The following BIK variants were observed in gnomAD, a reference collection of about 807,000 sequenced individuals.
The protein encoded by BIK is bcl-2-interacting killer.
Under a neutral mutation model 12.1 loss-of-function variants are expected in BIK, and 14 were observed. The ratio of observed to expected loss-of-function variants is 1.16; its 90% CI spans 0.77 to 1.81. BIK has a LOEUF of 1.81. Ranked by LOEUF, BIK falls within the 40% of genes most tolerant of loss-of-function variation. BIK has a pLI of 0.00. For missense variants in BIK, 215 were observed against 207.9 expected (o/e 1.03, Z -0.21); for synonymous variants, 86 against 92.3 (o/e 0.93, Z 0.39).
intron 1 of BIK, among the ~76,000 whole-genome samples, chr22:43,119,968 G>A (rs921238071): frequency 1.3e-5 from 2 of 152,080 alleles, no homozygotes; most frequent in Non-Finnish European, 2.9e-5. Context: ...GACCCTGTCT[G>A]TGAAAAAAAT....
chr22:43,127,743 G>GT lies in BIK; in HGVS notation c.209dup (p.Ser71GlufsTer28), dbSNP rs1293690970. 1.3e-6 allele frequency: 2 copies of GT among 1,554,434 alleles called. No homozygotes were observed. The highest frequency in any genetic ancestry group is 4.8e-5 in the East Asian group (2 of 41,300). On this transcript the variant is annotated frameshift_variant, in exon 3 of 5. Transcript: ENST00000216115. LOFTEE classifies it high-confidence loss of function. The stretch of plus-strand genomic sequence containing the variant: ...GGCCTGCATCGGGGACGAGATGGAC[G>GT]TGAGCCTCAGGGCCCCGCGCCTGGC...
chr22:43,121,583 C>T (rs145538975), intron 1 of BIK, among the ~76,000 whole-genome samples: 450 of 151,988 alleles, frequency 3.0e-3, no homozygotes, highest in African/African-American at 0.011. Flanking sequence ...TCTGGCTTTG[C>T]GGGGCGTGGA....
At chr22:43,127,530 C>T (rs1569467807) in intron 2 of BIK, among the ~76,000 whole-genome samples, 167 bp from the exon 3 acceptor site, 3 of 152,176 alleles carry the variant, frequency 2.0e-5, no homozygotes, top group South Asian at 2.1e-4. Flanking sequence ...AAGTGGGAGC[C>T]GGAGGAGGGA....
Position 43,128,654 on chromosome 22 carries a change from C to T in BIK, c.390+29C>T, listed in dbSNP as rs761339283. ...AGAGCCTTGAGATCCCTGACCCTGA[C>T]TTGCGCTGCGGCCAGTGGGGGCTGT... On this transcript the variant is annotated intron_variant, in intron 4 of 4. Transcript: ENST00000216115. 10 of 1,583,976 alleles carry T rather than the reference C, an allele frequency of 6.3e-6. No individual in the cohort carries two copies. The Admixed American group carries it at 1.8e-4, about 28-fold the overall frequency.
rs963100108 is a variant in BIK, at chr22:43,126,699, AT to A, written c.162-988del. ...TCCACAGGATTCTTTTCTGCTCAGG[AT>A]TTTTTTTTTCAGCCTCAGGATTTTT... On this transcript the variant is annotated intron_variant, in intron 2 of 4. Coordinates refer to ENST00000216115, the MANE Select transcript of BIK (RefSeq NM_001197.5). Among the ~76,000 whole-genome samples the A allele has an allele frequency of 1.2e-3, 183 of 149,752 alleles. 1 individual carries two copies. The highest frequency in any genetic ancestry group is 1.9e-3 in the Admixed American group (28 of 15,040).
intron 1 of BIK, among the ~76,000 whole-genome samples, chr22:43,113,509 G>A (rs1410996111): frequency 6.6e-6 from 1 of 151,730 alleles, no homozygotes; most frequent in Non-Finnish European, 1.5e-5. Flanking sequence ...CAGAGATGGT[G>A]CCACTGCACT....
Position 43,129,315 on chromosome 22 carries a change from G to A in BIK, c.*10G>A, listed in dbSNP as rs4988441. 2.9e-4 allele frequency: 467 copies of A among 1,596,780 alleles called. 4 individuals are homozygous for A. In the East Asian group the frequency reaches 7.5e-3, roughly 25 times the overall value. The stretch of plus-strand genomic sequence containing the variant: ...CCTGCTGCTCAAGTGAGGCCCCGGC[G>A]GCTCAGGGCGGGGCTGGCCCCACCC... On this transcript the variant is annotated 3_prime_UTR_variant, in exon 5 of 5. Coordinates refer to ENST00000216115, the MANE Select transcript of BIK (RefSeq NM_001197.5).
chr22:43,118,841 C>G (rs766956415), intron 1 of BIK, among the ~76,000 whole-genome samples: 10 of 152,094 alleles, frequency 6.6e-5, no homozygotes, highest in Non-Finnish European at 1.0e-4. Flanking sequence ...TCCACCTCTG[C>G]CCCCAACCCC....
chr22:43,123,368 G>A (rs1053666052), intron 1 of BIK, among the ~76,000 whole-genome samples: 1 of 152,128 alleles, frequency 6.6e-6, no homozygotes, highest in Non-Finnish European at 1.5e-5. Context: ...GACAGCAGGT[G>A]CCTGGGTTTT....
chr22:43,126,610 C>A, intron 2 of BIK, among the ~76,000 whole-genome samples: 1 of 152,144 alleles, frequency 6.6e-6, no homozygotes, highest in East Asian at 1.9e-4. Flanking sequence ...TGGGCTGTTG[C>A]TTTCTGCTGG....
rs768907455 is a variant in BIK at position 43,128,476 on chromosome 22, C to A, written c.261-20C>A. ...GCTCCTGCAGTAATGGCTTTGTCCC[C>A]CCATCCTCTTTGTCTATAGCCTGGG... On this transcript the variant is annotated intron_variant, in intron 3 of 4. Coordinates refer to ENST00000216115, the MANE Select transcript of BIK (RefSeq NM_001197.5). 33 of 1,564,914 alleles carry A rather than the reference C, an allele frequency of 2.1e-5. No homozygotes were observed. Among genetic ancestry groups the A allele is most frequent in the Non-Finnish European group, 2.8e-5 (32 of 1,147,390 alleles).
rs534140526 is a variant in BIK, at chr22:43,126,776, T to G, written c.162-921T>G. Among the ~76,000 whole-genome samples the G allele has an allele frequency of 8.7e-4, 133 of 152,130 alleles. 1 individual carries two copies. Among genetic ancestry groups the G allele is most frequent in the South Asian group, 8.7e-3 (42 of 4,824 alleles). The stretch of plus-strand genomic sequence containing the variant: ...GGCACCTGTCCATTAATGGACAAGG[T>G]TGGAGGACATGAAGCCTGGGGCAGT... On this transcript the variant is annotated intron_variant, in intron 2 of 4. Coordinates refer to ENST00000216115, the MANE Select transcript of BIK (RefSeq NM_001197.5).
intron 1 of BIK, among the ~76,000 whole-genome samples, chr22:43,122,725 G>C (rs532664651): frequency 6.6e-6 from 1 of 152,328 alleles, no homozygotes; most frequent in East Asian, 1.9e-4. Context: ...AGTGAATGGT[G>C]ATGAGGACAC....
chr22:43,114,706 G>A (rs1302079659), intron 1 of BIK, among the ~76,000 whole-genome samples: 1 of 152,240 alleles, frequency 6.6e-6, no homozygotes, highest in African/African-American at 2.4e-5. Flanking sequence ...GAAATTCCCT[G>A]TGCAGACAAT....
At chr22:43,111,524 G>A (rs967691973) in intron 1 of BIK, among the ~76,000 whole-genome samples, 1 of 151,616 alleles carries the variant, frequency 6.6e-6, no homozygotes, top group Non-Finnish European at 1.5e-5. Flanking sequence ...GGGGCCCCCC[G>A]CCTGCGGGGC....
At chr22:43,127,915 A>ACT (rs4988434) in intron 3 of BIK, 120 bp downstream of exon 3, 828,960 of 954,050 alleles carry the variant, frequency 0.87, 361,720 homozygotes, top group East Asian at 0.95. Flanking sequence ...GTGCCTTGAC[A>ACT]CTGGGGCTAT....
At chr22:43,122,616 G>A (rs1419473283) in intron 1 of BIK, among the ~76,000 whole-genome samples, 4 of 152,290 alleles carry the variant, frequency 2.6e-5, no homozygotes, top group Admixed American at 6.5e-5. Flanking sequence ...GAATCAGGTC[G>A]CAGAACCCTT....
intron 1 of BIK, among the ~76,000 whole-genome samples, chr22:43,120,503 C>T (rs1601730427): frequency 6.6e-6 from 1 of 152,198 alleles, no homozygotes; most frequent in Non-Finnish European, 1.5e-5. Context: ...TCTAGGGAGC[C>T]GAACAGAGCA....
intron 1 of BIK, among the ~76,000 whole-genome samples, chr22:43,120,690 G>T (rs1930203059): frequency 6.6e-6 from 1 of 152,176 alleles, no homozygotes; most frequent in Non-Finnish European, 1.5e-5. Flanking sequence ...GCTGCTGCAA[G>T]GACCCTCCTG....
Sources: allele counts gnomAD v4.1 joint callset (sites outside exome capture counted in the v4.1 genomes callset), GRCh38; gene constraint gnomAD v4.1.1; transcripts MANE v1.5; gene names NCBI Gene and HGNC (gene_info 2026-07-23, HGNC 2026-07-21).